IFT25: variants seen among roughly 807,000 people sequenced by gnomAD.
IFT25 encodes intraflagellar transport protein 25 homolog.
the IFT25 span, among the ~76,000 whole-genome samples, chr1:53,919,249 GCAAA>G: frequency 6.6e-6 from 1 of 152,178 alleles, no homozygotes; most frequent in African/African-American, 2.4e-5. Flanking sequence ...AAATCTGATG[GCAAA>G]CAGAGACTCA....
the IFT25 span, chr1:53,921,738 T>C: frequency 6.2e-7 from 1 of 1,613,694 alleles, no homozygotes; most frequent in Non-Finnish European, 8.5e-7. Context: ...CAATAATGAA[T>C]CTCAAGTAAG....
At chr1:53,934,364 G>GTAAA in the IFT25 span, among the ~76,000 whole-genome samples, 1 of 152,294 alleles carries the variant, frequency 6.6e-6, no homozygotes, top group East Asian at 1.9e-4. Flanking sequence ...TGTTTGTGAT[G>GTAAA]TAAAGTCAGC....
the IFT25 span, among the ~76,000 whole-genome samples, chr1:53,945,058 C>T: frequency 1.3e-5 from 2 of 152,152 alleles, no homozygotes; most frequent in African/African-American, 4.8e-5. Flanking sequence ...CTCCGAGGGG[C>T]CAGGGCCACG....
At chr1:53,945,962 C>T in the IFT25 span, 1 of 149,776 alleles carries the variant, frequency 6.7e-6, no homozygotes, top group East Asian at 2.0e-4. Context: ...CCAGAGGCCC[C>T]ACCCCGCCTC....
the IFT25 span, among the ~76,000 whole-genome samples, chr1:53,931,021 C>T: frequency 6.6e-6 from 1 of 152,062 alleles, no homozygotes; most frequent in Non-Finnish European, 1.5e-5. Context: ...TAAATGTATA[C>T]GCTTATGTAA....
At chr1:53,912,107 C>T in the IFT25 span, among the ~76,000 whole-genome samples, 1 of 152,266 alleles carries the variant, frequency 6.6e-6, no homozygotes, top group South Asian at 2.1e-4. Context: ...GACTGAAGCA[C>T]AGATGAGCAC....
At chr1:53,930,693 T>A in the IFT25 span, among the ~76,000 whole-genome samples, 5 of 152,290 alleles carry the variant, frequency 3.3e-5, no homozygotes, top group African/African-American at 7.2e-5. Context: ...CATCTCTACA[T>A]TGGCACTTAA....
At chr1:53,913,049 T>C in the IFT25 span, among the ~76,000 whole-genome samples, 3 of 152,110 alleles carry the variant, frequency 2.0e-5, no homozygotes, top group Non-Finnish European at 4.4e-5. Flanking sequence ...TGGCTGCTAA[T>C]GGCTCACAGA....
At chr1:53,939,831 A>ATT in the IFT25 span, 2 of 601,362 alleles carry the variant, frequency 3.3e-6, no homozygotes. Flanking sequence ...CAACTCAATT[A>ATT]GTTTCAGAAA....
At chr1:53,939,401 A>G in the IFT25 span, among the ~76,000 whole-genome samples, 1 of 151,656 alleles carries the variant, frequency 6.6e-6, no homozygotes, top group Non-Finnish European at 1.5e-5. Context: ...AAAAAAAAAA[A>G]AAAAAAAGGA....
chr1:53,914,829 TGA>T, the IFT25 span, among the ~76,000 whole-genome samples: 1 of 152,322 alleles, frequency 6.6e-6, no homozygotes, highest in South Asian at 2.1e-4. Context: ...GAGGCATTCC[TGA>T]GAGAGGGCTC....
chr1:53,921,376 T>G, the IFT25 span, among the ~76,000 whole-genome samples: 1 of 151,896 alleles, frequency 6.6e-6, no homozygotes, highest in Non-Finnish European at 1.5e-5. Context: ...AGCACCAGAG[T>G]GGATGCTGTG....
the IFT25 span, among the ~76,000 whole-genome samples, chr1:53,937,149 G>A: frequency 5.3e-5 from 8 of 152,068 alleles, no homozygotes; most frequent in East Asian, 1.9e-4. Context: ...ACAGAGTCTC[G>A]CTCTGTCACC....
the IFT25 span, chr1:53,929,965 A>G: frequency 1.4e-6 from 2 of 1,480,834 alleles, no homozygotes; most frequent in African/African-American, 1.5e-5. Context: ...ATGAAAGGAT[A>G]ATGAAAACTA....
the IFT25 span, among the ~76,000 whole-genome samples, chr1:53,913,069 T>G: frequency 1.3e-5 from 2 of 152,218 alleles, no homozygotes; most frequent in African/African-American, 4.8e-5. Context: ...ATGCACTCTT[T>G]CCTGAGAATT....
At chr1:53,933,295 T>C in the IFT25 span, among the ~76,000 whole-genome samples, 1 of 152,158 alleles carries the variant, frequency 6.6e-6, no homozygotes, top group Admixed American at 6.5e-5. Context: ...CCACCACGCC[T>C]GGCTAATTTT....
chr1:53,944,023 A>T, the IFT25 span, among the ~76,000 whole-genome samples: 1 of 152,206 alleles, frequency 6.6e-6, no homozygotes, highest in Non-Finnish European at 1.5e-5. Context: ...TTCTTACCTC[A>T]CATTCTTAAG....
chr1:53,928,538 G>C, the IFT25 span: 2 of 797,388 alleles, frequency 2.5e-6, no homozygotes, highest in Non-Finnish European at 2.1e-6. Context: ...ATGCACAGTG[G>C]AACTACACAG....
chr1:53,924,123 C>A, the IFT25 span, among the ~76,000 whole-genome samples: 29 of 151,508 alleles, frequency 1.9e-4, no homozygotes, highest in African/African-American at 6.5e-4. Flanking sequence ...ATACACAAGG[C>A]AAAAAAGATA....
Sources: gnomAD v4.1 joint callset for allele counts (sites outside exome capture counted in the v4.1 genomes callset) on GRCh38, gnomAD v4.1.1 for gene constraint, MANE v1.5 for transcripts, NCBI Gene and HGNC (gene_info 2026-07-23, HGNC 2026-07-21) for gene names.